The following HMCN1 variants were observed in gnomAD, a reference collection of about 807,000 sequenced individuals.
HMCN1 encodes hemicentin 1.
A neutral mutation model predicts 625.9 loss-of-function variants in HMCN1; 321 were observed. That is an observed-to-expected ratio of 0.51 (90% CI 0.47 to 0.56). The LOEUF (loss-of-function observed/expected upper bound fraction) is 0.56. Ranked by LOEUF, HMCN1 falls within the 20% of genes least tolerant of loss-of-function variation. The pLI, the probability that HMCN1 is intolerant of heterozygous loss-of-function variation, is 0.00. For synonymous variants in HMCN1, 2,425 were observed against 2,417.6 expected (o/e 1.00, Z -0.09); for missense variants, 6,588 against 6,887.3 (o/e 0.96, Z 1.54).
chr1:186,148,569 C>A (rs555770258), intron 93 of HMCN1, among the ~76,000 whole-genome samples: 1 of 152,176 alleles, frequency 6.6e-6, no homozygotes, highest in Non-Finnish European at 1.5e-5. Context: ...AATGCAGTGG[C>A]GTGATCTCAG....
At chr1:185,968,203 C>G (rs368858023) in intron 14 of HMCN1, among the ~76,000 whole-genome samples, 3 of 151,868 alleles carry the variant, frequency 2.0e-5, no homozygotes, top group African/African-American at 7.3e-5. Flanking sequence ...CTTATTATCT[C>G]AAAAGTGAAT....
Position 186,123,050 on chromosome 1 carries a change from T to G in HMCN1, c.12329T>G (p.Ile4110Ser), listed in dbSNP as rs1661471200. 1 of 1,614,038 alleles carries G rather than the reference T, an allele frequency of 6.2e-7. No individual in the cohort carries two copies. The highest frequency in any genetic ancestry group is 1.1e-5 in the South Asian group (1 of 91,086). The change falls in exon 81 of 107, where the codon ATT becomes AGT. Residue 4110 changes from isoleucine to serine, a missense_variant. Ile to Ser is a moderately radical substitution (Grantham distance 142). Transcript: ENST00000271588. ...GCAGATGGCCTCCCTCCGCCTGACA[T>G]TACATGGCATAAAGATGGGCGTGCA... ...CEADGLPPPD[I>S]TWHKDGRAIV... is the part of the protein sequence containing the mutation.
intron 4 of HMCN1, 38 bp downstream of exon 4, chr1:185,865,901 G>T (rs375220498): frequency 6.2e-7 from 1 of 1,608,376 alleles, no homozygotes; most frequent in South Asian, 1.1e-5. Context: ...ATTACCAGCT[G>T]CCTTATCAAA....
At chr1:185,808,915 G>T (rs1273049924) in intron 1 of HMCN1, among the ~76,000 whole-genome samples, 1 of 152,164 alleles carries the variant, frequency 6.6e-6, no homozygotes, top group Non-Finnish European at 1.5e-5. Flanking sequence ...GTATGTAATG[G>T]ATTAGCTGTT....
chr1:185,811,237 A>G (rs1434458939), intron 1 of HMCN1, among the ~76,000 whole-genome samples: 1 of 152,160 alleles, frequency 6.6e-6, no homozygotes. Flanking sequence ...GGGACAGGGT[A>G]GATTCTCTTA....
Position 186,145,480 on chromosome 1 carries a change from C to G in HMCN1, c.14344C>G (p.Arg4782Gly). ...TCNGGQMRRYRTCDNPPPSNG... is the reference protein window; with the variant it reads ...TCNGGQMRRYGTCDNPPPSNG... ...TAACGGAGGGCAGATGCGGCGGTACCGCACATGTGATAACCCTCCTCCCTC... is the reference window on the plus strand; with the variant it reads ...TAACGGAGGGCAGATGCGGCGGTACGGCACATGTGATAACCCTCCTCCCTC... Residue 4782 changes from arginine (R) to glycine (G), a missense_variant, in exon 92 of 107, where the codon CGC becomes GGC. Physicochemically the swap from Arg to Gly is moderately radical, Grantham distance 125 (BLOSUM62 -2). Around this residue, in one of 3 missense-constraint regions of HMCN1, gnomAD observed 1,954 missense variants for 2,013.1 expected, o/e 0.97. Coordinates refer to ENST00000271588, the MANE Select transcript of HMCN1 (RefSeq NM_031935.3). 6.2e-7 allele frequency: 1 copy of G among 1,613,632 alleles called. No homozygotes were observed. The highest frequency in any genetic ancestry group is 8.5e-7 in the Non-Finnish European group (1 of 1,179,768).
intron 2 of HMCN1, among the ~76,000 whole-genome samples, chr1:185,853,294 T>A (rs1400535243): frequency 6.6e-6 from 1 of 152,152 alleles, no homozygotes; most frequent in Admixed American, 6.6e-5. Flanking sequence ...ATGACAAAGT[T>A]AATAATAAAA....
At chr1:185,922,196 T>C (rs1036192853) in intron 6 of HMCN1, among the ~76,000 whole-genome samples, 183 bp from the exon 7 acceptor site, 12 of 152,188 alleles carry the variant, frequency 7.9e-5, no homozygotes, top group Non-Finnish European at 1.2e-4. Flanking sequence ...CCATGGGGTA[T>C]GTATTACGAA....
intron 36 of HMCN1, among the ~76,000 whole-genome samples, chr1:186,026,447 C>T (rs1655060845): frequency 6.6e-6 from 1 of 152,118 alleles, no homozygotes; most frequent in Non-Finnish European, 1.5e-5. Context: ...GTATAAGGAA[C>T]AAGAGAGGAA....
intron 11 of HMCN1, among the ~76,000 whole-genome samples, chr1:185,938,878 T>C (rs1479173301): frequency 6.6e-6 from 1 of 152,142 alleles, no homozygotes; most frequent in Non-Finnish European, 1.5e-5. Flanking sequence ...CAATTGAGAA[T>C]TCCAACTGAC....
intron 11 of HMCN1, among the ~76,000 whole-genome samples, chr1:185,950,811 G>A (rs1336336804): frequency 6.6e-6 from 1 of 151,932 alleles, no homozygotes; most frequent in Non-Finnish European, 1.5e-5. Flanking sequence ...GGTTGTAGAG[G>A]CAGGTATTGA....
At chr1:186,054,487 C>T (rs1391595635) in intron 44 of HMCN1, among the ~76,000 whole-genome samples, 1 of 151,914 alleles carries the variant, frequency 6.6e-6, no homozygotes, top group Non-Finnish European at 1.5e-5. Context: ...GGTCGCGTGG[C>T]TTGTGTGTGG....
chr1:186,031,890 C>T (rs1488144853), intron 36 of HMCN1, among the ~76,000 whole-genome samples: 3 of 151,934 alleles, frequency 2.0e-5, no homozygotes, highest in Non-Finnish European at 2.9e-5. Context: ...AGCTACTTTT[C>T]TTTGGTTCTT....
At chr1:186,163,274 G>A (rs777687719) in intron 97 of HMCN1, among the ~76,000 whole-genome samples, 32 of 152,174 alleles carry the variant, frequency 2.1e-4, no homozygotes, top group African/African-American at 2.9e-4. Flanking sequence ...CACAGTATTC[G>A]GGTGGGAGTG....
intron 13 of HMCN1, among the ~76,000 whole-genome samples, chr1:185,964,697 G>C (rs1166408847): frequency 6.6e-6 from 1 of 152,058 alleles, no homozygotes; most frequent in Admixed American, 6.6e-5. Flanking sequence ...AAGTACTACA[G>C]TGGGAGGTTG....
chr1:185,856,361 G>A (rs1463054211), intron 2 of HMCN1, among the ~76,000 whole-genome samples: 1 of 151,870 alleles, frequency 6.6e-6, no homozygotes, highest in East Asian at 1.9e-4. Flanking sequence ...ATGGTGGCGG[G>A]CACCTGTAAT....
At chr1:186,042,118 C>T (rs940112442) in intron 40 of HMCN1, among the ~76,000 whole-genome samples, 4 of 152,110 alleles carry the variant, frequency 2.6e-5, no homozygotes, top group African/African-American at 7.2e-5. Flanking sequence ...TAGTTGGCAT[C>T]GGTACACTAG....
At chr1:185,866,011 A>G (rs1663169309) in intron 4 of HMCN1, 148 bp downstream of exon 4, 1 of 703,600 alleles carries the variant, frequency 1.4e-6, no homozygotes, top group Non-Finnish European at 2.4e-6. Context: ...GCATTGAATA[A>G]TGTGAAGAAA....
At chr1:186,115,934 T>C (rs1661113350) in intron 75 of HMCN1, among the ~76,000 whole-genome samples, 1 of 152,108 alleles carries the variant, frequency 6.6e-6, no homozygotes. Flanking sequence ...AGGCTAAACT[T>C]TAAATCACTA....
Sources: allele counts gnomAD v4.1 joint callset (sites outside exome capture counted in the v4.1 genomes callset), GRCh38; gene constraint gnomAD v4.1.1; regional missense constraint gnomAD v4.1.1; transcripts MANE v1.5; gene names NCBI Gene and HGNC (gene_info 2026-07-23, HGNC 2026-07-21).